ALG13: variants seen among roughly 807,000 people sequenced by gnomAD.
ALG13 encodes ALG13 UDP-N-acetylglucosaminyltransferase subunit.
A neutral mutation model predicts 87.8 loss-of-function variants in ALG13; 11 were observed. That is an observed-to-expected ratio of 0.13 (90% CI 0.08 to 0.21). The LOEUF (loss-of-function observed/expected upper bound fraction) is 0.21, where lower values mean the gene tolerates loss of function less well. ALG13 is among the 10% of genes least tolerant of loss of function. ALG13 has a pLI of 1.00. For missense variants in ALG13, 756 were observed against 866.1 expected (o/e 0.87, Z 1.60); for synonymous variants, 320 against 306.3 (o/e 1.04, Z -0.47).
chrX:111,709,018 T>C lies in ALG13; in HGVS notation c.804T>C (p.Tyr268=), dbSNP rs1375106247. 2.4e-5 allele frequency: 28 copies of C among 1,181,687 alleles called. No homozygotes were observed. The highest frequency in any genetic ancestry group is 3.2e-5 in the Non-Finnish European group (28 of 877,270). ...HLEIRKACVS[Y]MRENQQTFES... ...AAATCAGGAAGGCTTGTGTCTCATA[T>C]ATGAGGGAAAATCAACAAACTTTTG... The change falls in exon 5 of 27, where the codon TAT becomes TAC. Residue 268 remains tyrosine (Y), a synonymous_variant. Coordinates refer to ENST00000394780, the MANE Select transcript of ALG13 (RefSeq NM_001099922.3).
chrX:111,709,474 A>G (rs1295758587), intron 5 of ALG13, among the ~76,000 whole-genome samples: 1 of 111,984 alleles, frequency 8.9e-6, no homozygotes, highest in Non-Finnish European at 1.9e-5. Context: ...TCCTGTGTAC[A>G]ATAATCTTCA....
At chrX:111,698,116 T>C (rs1305604570) in intron 3 of ALG13, among the ~76,000 whole-genome samples, 1 of 112,435 alleles carries the variant, frequency 8.9e-6, no homozygotes, top group African/African-American at 3.2e-5. Flanking sequence ...CTGCTTCTTA[T>C]AGATGACCGT....
At chrX:111,728,619 T>C (rs1205791807) in intron 19 of ALG13, among the ~76,000 whole-genome samples, 4 of 111,605 alleles carry the variant, frequency 3.6e-5, no homozygotes, top group Non-Finnish European at 7.5e-5. Flanking sequence ...AGTAGGGCAC[T>C]ATTGATAGTT....
intron 21 of ALG13, 29 bp downstream of exon 21, chrX:111,730,609 T>C (rs760650379): frequency 9.2e-6 from 10 of 1,084,929 alleles, no homozygotes; most frequent in African/African-American, 9.2e-5. Context: ...CAAAGAGTTA[T>C]AGCTCCTACT....
intron 9 of ALG13, 26 bp from the exon 10 acceptor site, chrX:111,718,084 ATT>A: frequency 3.5e-6 from 4 of 1,143,306 alleles, no homozygotes; most frequent in Non-Finnish European, 4.7e-6. Flanking sequence ...TATTTTGACA[ATT>A]GGAATTTTGA....
chrX:111,723,640 C>A (rs1294968598), intron 13 of ALG13, among the ~76,000 whole-genome samples, 158 bp from the exon 14 acceptor site: 16 of 111,983 alleles, frequency 1.4e-4, no homozygotes, highest in Non-Finnish European at 2.4e-4. Context: ...ATGTAAGGTT[C>A]TTTCAGTATG....
chrX:111,711,681 G>A lies in ALG13; in HGVS notation c.841G>A (p.Glu281Lys). Residue 281 changes from glutamate (E) to lysine (K), a missense_variant, in exon 6 of 27, where the codon GAG (glutamate) becomes AAG (lysine). Physicochemically the swap from Glu to Lys is moderately conservative, Grantham distance 56. This residue lies in a region of ALG13 where 60 missense variants were observed against 54.5 expected (regional missense o/e 1.10). Transcript: ENST00000394780. ...GTTTGTTTTATTTTTGAAGTATGTG[G>A]AGGGATCTTTTGAGAAATACCTGGA... is the stretch of plus-strand genomic sequence containing the variant. ...ENQQTFESYV[E>K]GSFEKYLERL... The A allele has an allele frequency of 2.5e-6, 3 of 1,208,223 alleles. No individual in the cohort carries two copies. Among genetic ancestry groups the A allele is most frequent in the East Asian group, 3.0e-5 (1 of 33,767 alleles).
chrX:111,727,894 A>G, intron 18 of ALG13, 124 bp downstream of exon 18: 1 of 815,409 alleles, frequency 1.2e-6, no homozygotes, highest in Non-Finnish European at 1.7e-6. Flanking sequence ...TTTCTGGAAA[A>G]TGAAAATGAG....
rs1448726593 is a variant in ALG13, at chrX:111,726,227, G to GTTTTTTTTTTTTTTTTTT, written c.1730-578_1730-577insTTTTTTTTTTTTTTTTTT. Among the ~76,000 whole-genome samples, 2 of 83,737 alleles carry GTTTTTTTTTTTTTTTTTT rather than the reference G, an allele frequency of 2.4e-5. 1 individual carries two copies. The allele number at this position is 83,737 out of a possible 115,157, so 72.7% of individuals were successfully genotyped here. On this transcript the variant is annotated intron_variant, in intron 15 of 26. Transcript: ENST00000394780. ...CCCAAAGTGCTGGGATTACAGGCGT[G>GTTTTTTTTTTTTTTTTTT]TTTTGTTTTTTTTTTTTTTTTTTTT... is the stretch of plus-strand genomic sequence containing the variant.
chrX:111,682,047 G>A, intron 1 of ALG13, 85 bp from the exon 2 acceptor site: 1 of 962,243 alleles, frequency 1.0e-6, no homozygotes, highest in Non-Finnish European at 1.4e-6. Flanking sequence ...CGATGTTAAC[G>A]TCAAACTTTA....
chrX:111,726,232 GTTTTTTTTTTT>G (rs1213050998), intron 15 of ALG13, among the ~76,000 whole-genome samples: 1 of 60,225 alleles, frequency 1.7e-5, no homozygotes, highest in Non-Finnish European at 3.0e-5. Context: ...GGCGTGTTTT[GTTTTTTTTTTT>G]TTTTTTTTTT....
chrX:111,681,610 T>G, intron 1 of ALG13: 1 of 941,767 alleles, frequency 1.1e-6, no homozygotes, highest in South Asian at 3.3e-5. Flanking sequence ...CGCCCCTCCT[T>G]CCAACGGCTC....
intron 22 of ALG13, among the ~76,000 whole-genome samples, chrX:111,736,451 C>T (rs1943251549): frequency 1.8e-5 from 2 of 111,424 alleles, no homozygotes; most frequent in African/African-American, 6.5e-5. Context: ...GGGAAACTTT[C>T]CATTGTATAC....
intron 23 of ALG13, among the ~76,000 whole-genome samples, chrX:111,737,607 C>T (rs1480337000): frequency 1.8e-5 from 2 of 111,833 alleles, no homozygotes; most frequent in Non-Finnish European, 3.8e-5. Flanking sequence ...TAGGGACAAA[C>T]CACTAGTCAC....
chrX:111,759,770 A>C lies in ALG13; in HGVS notation c.3185A>C (p.His1062Pro). The stretch of plus-strand genomic sequence containing the variant: ...AATGCTGATTCTTCATCTGTCCCTC[A>C]TGGAGCAGTCTATTATCCAGTAATG... ...FPNADSSSVP[H>P]GAVYYPVMSD... The change falls in exon 27 of 27, where the codon CAT becomes CCT. Residue 1062 changes from histidine to proline, a missense_variant. Transcript: ENST00000394780. The C allele has an allele frequency of 8.3e-7, 1 of 1,208,300 alleles. No homozygotes were observed. Among genetic ancestry groups the C allele is most frequent in the Non-Finnish European group, 1.1e-6 (1 of 893,451 alleles).
chrX:111,717,955 T>C (rs775781494), intron 9 of ALG13, 28 bp downstream of exon 9: 1 of 1,164,579 alleles, frequency 8.6e-7, no homozygotes, highest in Admixed American at 2.3e-5. Context: ...AAATTGTGGG[T>C]GTGATTTCAG....
At chrX:111,752,677 A>G (rs1270321263) in intron 24 of ALG13, 113 bp from the exon 25 acceptor site, 11 of 489,566 alleles carry the variant, frequency 2.2e-5, no homozygotes, top group South Asian at 3.1e-5. Context: ...AGGCCTCCCA[A>G]AGTGCTGGGA....
chrX:111,756,306 A>T (rs1945249850), intron 25 of ALG13, among the ~76,000 whole-genome samples: 1 of 111,714 alleles, frequency 9.0e-6, no homozygotes, highest in Non-Finnish European at 1.9e-5. Context: ...CAAATACCTA[A>T]TGTAGGTGAC....
chrX:111,690,481 AG>A (rs1308406535), intron 3 of ALG13: 3 of 587,991 alleles, frequency 5.1e-6, no homozygotes, highest in Non-Finnish European at 6.1e-6. Context: ...GAAAGCTCAA[AG>A]GATTTGTTGG....
Sources: allele counts gnomAD v4.1 joint callset (sites outside exome capture counted in the v4.1 genomes callset), GRCh38; gene constraint gnomAD v4.1.1; regional missense constraint gnomAD v4.1.1; transcripts MANE v1.5; gene names NCBI Gene and HGNC (gene_info 2026-07-23, HGNC 2026-07-21).